Variants in RPH3A observed in about 807,000 individuals in gnomAD.
RPH3A encodes the protein rabphilin-3A.
A neutral mutation model predicts 102.2 loss-of-function variants in RPH3A; 48 were observed. The ratio of observed to expected loss-of-function variants is 0.47; its 90% confidence interval spans 0.37 to 0.60. The LOEUF (loss-of-function observed/expected upper bound fraction) is 0.60. RPH3A is among the 20% of genes least tolerant of loss of function. RPH3A has a pLI of 0.00. For synonymous variants in RPH3A, 310 were observed against 324.3 expected, an observed-to-expected ratio of 0.96 and a Z score of 0.47; for missense variants, 781 against 910.1, an observed-to-expected ratio of 0.86 and a Z score of 1.83.
chr12:112,671,742 T>A (rs1433834367), intron 1 of RPH3A, among the ~76,000 whole-genome samples: 1 of 152,036 alleles, frequency 6.6e-6, no homozygotes, highest in African/African-American at 2.4e-5. Flanking sequence ...AGAGGCACTA[T>A]TCAGCTTACA....
At chr12:112,866,057 T>C (rs1200728213) in intron 6 of RPH3A, among the ~76,000 whole-genome samples, 1 of 152,200 alleles carries the variant, frequency 6.6e-6, no homozygotes, top group Non-Finnish European at 1.5e-5. Flanking sequence ...TTCCTTAAAC[T>C]GTCTGCACTT....
intron 1 of RPH3A, among the ~76,000 whole-genome samples, chr12:112,778,613 A>G (rs761339528): frequency 7.9e-5 from 12 of 152,208 alleles, no homozygotes; most frequent in African/African-American, 2.9e-4. Context: ...GGCTTCAGGC[A>G]TGGCTGGATT....
chr12:112,817,329 C>T (rs922860868), intron 2 of RPH3A, among the ~76,000 whole-genome samples: 1 of 152,092 alleles, frequency 6.6e-6, no homozygotes, highest in South Asian at 2.1e-4. Flanking sequence ...TGTTTCATGT[C>T]CATTGCAGCC....
Position 112,898,489 on chromosome 12 carries a change from A to G in RPH3A, c.*1709A>G, listed in dbSNP as rs1220658533. The stretch of plus-strand genomic sequence containing the variant: ...AGCTCCCTGCACAATTCATGGGAGG[A>G]CTCATTTCTTGCCTTGAATAACCAT... On this transcript the variant is annotated 3_prime_UTR_variant, in exon 22 of 22. Coordinates refer to ENST00000389385, the MANE Select transcript of RPH3A (RefSeq NM_001143854.2). 6.6e-6 allele frequency: 1 copy of G among 152,060 alleles called. No individual in the cohort carries two copies. The highest frequency in any genetic ancestry group is 6.6e-5 in the Admixed American group (1 of 15,254). The allele number at this position is 152,060 out of a possible 1,614,324, so 9.4% of individuals were successfully genotyped here. A position where few individuals can be genotyped will look rare whatever the true frequency, so the allele number is the denominator to read the frequency against.
At chr12:112,770,816 G>A (rs1592989823) in intron 1 of RPH3A, among the ~76,000 whole-genome samples, 1 of 152,162 alleles carries the variant, frequency 6.6e-6, no homozygotes, top group Non-Finnish European at 1.5e-5. Flanking sequence ...TGAATGCTTG[G>A]GATACCCCCA....
intron 1 of RPH3A, among the ~76,000 whole-genome samples, chr12:112,694,681 C>G (rs35168869): frequency 0.013 from 1,778 of 139,838 alleles, 49 homozygotes; most frequent in African/African-American, 0.047. Flanking sequence ...CACACACACA[C>G]ACAGAGAGAG....
At chr12:112,821,410 C>G (rs936179107) in intron 2 of RPH3A, among the ~76,000 whole-genome samples, 1 of 151,936 alleles carries the variant, frequency 6.6e-6, no homozygotes, top group Non-Finnish European at 1.5e-5. Flanking sequence ...CTGACACCCA[C>G]CCCCACCACC....
chr12:112,741,805 TA>T (rs2040711294), intron 1 of RPH3A, among the ~76,000 whole-genome samples: 1 of 152,166 alleles, frequency 6.6e-6, no homozygotes, highest in Non-Finnish European at 1.5e-5. Context: ...CCTGAGTCAC[TA>T]CATTCCTTAA....
intron 2 of RPH3A, among the ~76,000 whole-genome samples, chr12:112,801,257 C>G (rs896018129): frequency 6.6e-6 from 1 of 152,190 alleles, no homozygotes; most frequent in African/African-American, 2.4e-5. Context: ...GGGCTTGCAC[C>G]TAAGGATGAA....
At chr12:112,860,186 T>G (rs764220325) in intron 5 of RPH3A, among the ~76,000 whole-genome samples, 2 of 152,202 alleles carry the variant, frequency 1.3e-5, no homozygotes, top group African/African-American at 4.8e-5. Context: ...GTTGGGGTCT[T>G]CCATGTTGTG....
chr12:112,724,081 G>A (rs1400022264), intron 1 of RPH3A, among the ~76,000 whole-genome samples: 1 of 139,102 alleles, frequency 7.2e-6, no homozygotes, highest in Non-Finnish European at 1.5e-5. Flanking sequence ...TTGGAGACAG[G>A]ATCTATCTAG....
At chr12:112,780,415 C>T (rs1183508343) in intron 1 of RPH3A, among the ~76,000 whole-genome samples, 3 of 123,906 alleles carry the variant, frequency 2.4e-5, no homozygotes, top group Admixed American at 1.0e-4. Context: ...TTTGTGAAAA[C>T]ATCTCATGTC....
intron 1 of RPH3A, among the ~76,000 whole-genome samples, chr12:112,608,264 C>T (rs933883224): frequency 2.0e-5 from 3 of 151,964 alleles, no homozygotes; most frequent in African/African-American, 2.4e-5. Flanking sequence ...TACAGGCACC[C>T]GTCACCACAT....
intron 1 of RPH3A, among the ~76,000 whole-genome samples, chr12:112,693,182 C>T (rs2040320496): frequency 6.6e-6 from 1 of 152,210 alleles, no homozygotes; most frequent in Non-Finnish European, 1.5e-5. Flanking sequence ...CTGGCATTGA[C>T]ATTTCCTTCA....
intron 1 of RPH3A, among the ~76,000 whole-genome samples, chr12:112,645,041 T>A (rs1394169780): frequency 2.0e-5 from 3 of 152,236 alleles, no homozygotes; most frequent in South Asian, 2.1e-4. Flanking sequence ...ATTTGATTTT[T>A]AAAATTTTTA....
intron 7 of RPH3A, 52 bp downstream of exon 7, chr12:112,866,892 G>A (rs1208213829): frequency 2.8e-6 from 4 of 1,431,414 alleles, no homozygotes; most frequent in Non-Finnish European, 3.9e-6. Flanking sequence ...TTCTTGGCCA[G>A]CTTAAGAGGT....
intron 1 of RPH3A, among the ~76,000 whole-genome samples, chr12:112,727,403 A>AT (rs1326738130): frequency 2.2e-5 from 3 of 134,574 alleles, no homozygotes; most frequent in South Asian, 2.3e-4. Flanking sequence ...AAAAAAAAAA[A>AT]AAAATATATA....
chr12:112,702,840 A>G (rs970035860), intron 1 of RPH3A, among the ~76,000 whole-genome samples: 3 of 152,242 alleles, frequency 2.0e-5, no homozygotes, highest in African/African-American at 7.2e-5. Context: ...AACTGGTCAA[A>G]TTTTTGTATT....
chr12:112,812,856 G>A (rs2041603804), intron 2 of RPH3A, among the ~76,000 whole-genome samples: 1 of 152,120 alleles, frequency 6.6e-6, no homozygotes, highest in Non-Finnish European at 1.5e-5. Context: ...AACCTTCTTT[G>A]AGCCAATGTA....
Sources: gnomAD v4.1 joint callset for allele counts (sites outside exome capture counted in the v4.1 genomes callset) on GRCh38, gnomAD v4.1.1 for gene constraint, MANE v1.5 for transcripts, NCBI Gene and HGNC (gene_info 2026-07-23, HGNC 2026-07-21) for gene names.